Variants in TXNDC11 observed in about 807,000 individuals in gnomAD.
The protein encoded by TXNDC11 is thioredoxin domain-containing protein 11.
TXNDC11 carries 68 observed loss-of-function variants against 78.0 expected under a neutral mutation model. The ratio of observed to expected loss-of-function variants is 0.87; its 90% CI spans 0.72 to 1.07. The LOEUF is 1.07. Ranked by LOEUF, TXNDC11 falls within the 50% of genes least tolerant of loss-of-function variation. TXNDC11 has a pLI of 0.00. For missense variants in TXNDC11, 1,389 were observed against 1,221.8 expected (o/e 1.14, Z -2.04); for synonymous variants, 571 against 495.2 (o/e 1.15, Z -2.03).
chr16:11,686,231 T>C (rs577782065), intron 10 of TXNDC11, among the ~76,000 whole-genome samples: 24 of 152,360 alleles, frequency 1.6e-4, no homozygotes, highest in Admixed American at 8.5e-4. Context: ...ATGCTGGGAT[T>C]ACAGGCATGA....
chr16:11,701,013 TG>T (rs2050998120), intron 5 of TXNDC11, among the ~76,000 whole-genome samples: 2 of 152,250 alleles, frequency 1.3e-5, no homozygotes, highest in South Asian at 4.1e-4. Flanking sequence ...AAAGGGAAAC[TG>T]GGCTCCTGAC....
chr16:11,742,784 G>A lies in TXNDC11; in HGVS notation c.-54C>T, dbSNP rs1433847915. ...CGCCGCCGCCGCCTCGGGCCCGAAG[G>A]CCCGGCCCGGCCCGTTGCTCCCCAA... is the stretch of plus-strand genomic sequence containing the variant. On this transcript the variant is annotated 5_prime_UTR_variant, in exon 1 of 12. Transcript: ENST00000283033. The A allele has an allele frequency of 5.7e-6, 8 of 1,396,382 alleles. No homozygotes were observed. The highest frequency in any genetic ancestry group is 7.4e-6 in the Non-Finnish European group (8 of 1,080,730). The allele number at this position is 1,396,382 out of a possible 1,614,324, so 86.5% of individuals were successfully genotyped here.
chr16:11,684,134 C>A lies in TXNDC11; in HGVS notation c.2234+31G>T, dbSNP rs1359640772. 13 of 1,488,414 alleles carry A rather than the reference C, an allele frequency of 8.7e-6. No individual in the cohort carries two copies. In the Admixed American group the frequency reaches 1.8e-4, roughly 21 times the overall value. The allele number at this position is 1,488,414 out of a possible 1,614,324, so 92.2% of individuals were successfully genotyped here. Reference sequence around the variant, plus strand: ...TCAGACCTCCACAAAAGAATCCCAACTGCCCACCAGTGACAAAAATTTGGC... The same window carrying A: ...TCAGACCTCCACAAAAGAATCCCAAATGCCCACCAGTGACAAAAATTTGGC... On this transcript the variant is annotated intron_variant, in intron 11 of 11. Transcript: ENST00000283033.
chr16:11,698,798 T>C (rs117171758), intron 6 of TXNDC11, among the ~76,000 whole-genome samples: 2,453 of 152,330 alleles, frequency 0.016, 32 homozygotes, highest in Non-Finnish European at 0.024. Flanking sequence ...GCACAGGCTG[T>C]CTGTTCTGCT....
In TXNDC11 at chr16:11,700,583, C is replaced by T. The variant is rs2050985294; in HGVS notation, c.794-19G>A. On this transcript the variant is annotated intron_variant, in intron 5 of 11. Transcript: ENST00000283033. ...AGGTAATCTGAAACAGAAAATTTTC[C>T]TTTATTAAAGAAAAGGCCTGTGCCT... 7.2e-7 allele frequency: 1 copy of T among 1,396,406 alleles called. No individual in the cohort carries two copies. The allele number at this position is 1,396,406 out of a possible 1,614,324, so 86.5% of individuals were successfully genotyped here.
At chr16:11,724,239 C>T (rs190416925) in intron 4 of TXNDC11, among the ~76,000 whole-genome samples, 39 of 152,130 alleles carry the variant, frequency 2.6e-4, no homozygotes, top group African/African-American at 8.7e-4. Flanking sequence ...GCAGAGATCG[C>T]ACCACTGCAC....
chr16:11,721,227 T>C, intron 5 of TXNDC11: 1 of 181,146 alleles, frequency 5.5e-6, no homozygotes, highest in Non-Finnish European at 1.2e-5. Context: ...TCACCTGACG[T>C]CAGGAGTTCG....
rs137938481 is a variant in TXNDC11 at position 11,686,957 on chromosome 16, G to A, written c.2153+900C>T. Among the ~76,000 whole-genome samples, 752 of 152,178 alleles carry A rather than the reference G, an allele frequency of 4.9e-3. 12 individuals are homozygous for A. The highest frequency in any genetic ancestry group is 0.042 in the East Asian group (218 of 5,188). On this transcript the variant is annotated intron_variant, in intron 10 of 11. Transcript: ENST00000283033. The stretch of plus-strand genomic sequence containing the variant: ...TTTAACTAGAGTGCCTTCACTAAGC[G>A]TCGCAAGGACTCAGTCAGGTAATAT...
chr16:11,716,237 G>A (rs1343059346), intron 5 of TXNDC11, among the ~76,000 whole-genome samples: 1 of 152,156 alleles, frequency 6.6e-6, no homozygotes, highest in East Asian at 1.9e-4. Context: ...GAAAAATGGG[G>A]TCAAAATTTG....
At chr16:11,733,603 A>G (rs1168656625) in intron 3 of TXNDC11, among the ~76,000 whole-genome samples, 1 of 152,272 alleles carries the variant, frequency 6.6e-6, no homozygotes. Context: ...ATGGTAAGAT[A>G]CACTCTGGAC....
intron 5 of TXNDC11, among the ~76,000 whole-genome samples, chr16:11,704,146 A>T (rs1371856101): frequency 2.0e-5 from 3 of 152,206 alleles, no homozygotes; most frequent in African/African-American, 7.2e-5. Flanking sequence ...GGTTTGTCCA[A>T]AGGACCCAGG....
chr16:11,725,139 T>C (rs1380444341), intron 4 of TXNDC11, among the ~76,000 whole-genome samples: 1 of 152,314 alleles, frequency 6.6e-6, no homozygotes. Context: ...TTTAGCTACA[T>C]TCATTATTTA....
At chr16:11,723,977 A>T (rs1014147660) in intron 4 of TXNDC11, among the ~76,000 whole-genome samples, 1 of 152,224 alleles carries the variant, frequency 6.6e-6, no homozygotes, top group Non-Finnish European at 1.5e-5. Context: ...AGTAAATTAT[A>T]AAGTACAAGT....
At chr16:11,704,005 T>A (rs987434892) in intron 5 of TXNDC11, among the ~76,000 whole-genome samples, 3 of 152,306 alleles carry the variant, frequency 2.0e-5, no homozygotes, top group Admixed American at 2.0e-4. Flanking sequence ...GGCAGCAGAA[T>A]TGCTTGAACC....
intron 1 of TXNDC11, 25 bp downstream of exon 1, chr16:11,742,452 G>A (rs1465408329): frequency 1.4e-6 from 2 of 1,387,602 alleles, no homozygotes; most frequent in Non-Finnish European, 1.9e-6. Context: ...GCCCTAGCGG[G>A]GCCCCAGGGT....
At chr16:11,718,514 T>C (rs2141080845) in intron 5 of TXNDC11, among the ~76,000 whole-genome samples, 1 of 152,288 alleles carries the variant, frequency 6.6e-6, no homozygotes, top group East Asian at 1.9e-4. Context: ...GTGCATGTGT[T>C]TCTCCTACCT....
chr16:11,703,271 G>A (rs573918034), intron 5 of TXNDC11, among the ~76,000 whole-genome samples: 1 of 152,120 alleles, frequency 6.6e-6, no homozygotes, highest in Non-Finnish European at 1.5e-5. Flanking sequence ...AAGGCAAAAA[G>A]AACTGTACAT....
At chr16:11,704,452 G>A (rs575302091) in intron 5 of TXNDC11, among the ~76,000 whole-genome samples, 1 of 152,162 alleles carries the variant, frequency 6.6e-6, no homozygotes, top group South Asian at 2.1e-4. Context: ...CTTCCCCCAA[G>A]GTATTTATTT....
At chr16:11,713,090 A>G (rs1474657489) in intron 5 of TXNDC11, among the ~76,000 whole-genome samples, 1 of 145,580 alleles carries the variant, frequency 6.9e-6, no homozygotes, top group Non-Finnish European at 1.5e-5. Flanking sequence ...CTGGGCAACA[A>G]GAGTGAAACT....
Sources: allele counts gnomAD v4.1 joint callset (sites outside exome capture counted in the v4.1 genomes callset), GRCh38; gene constraint gnomAD v4.1.1; transcripts MANE v1.5; gene names NCBI Gene and HGNC (gene_info 2026-07-23, HGNC 2026-07-21).